GRXCR1: variants seen among roughly 807,000 people sequenced by gnomAD.
The protein encoded by GRXCR1 is glutaredoxin domain-containing cysteine-rich protein 1.
A neutral mutation model predicts 27.3 loss-of-function variants in GRXCR1; 27 were observed. The ratio of observed to expected loss-of-function variants is 0.99; its 90% confidence interval spans 0.73 to 1.37. GRXCR1 has a LOEUF of 1.37. GRXCR1 is among the 40% of genes most tolerant of loss of function. The pLI, the probability that GRXCR1 is intolerant of heterozygous loss-of-function variation, is 0.00. For synonymous variants in GRXCR1, 122 were observed against 131.1 expected (o/e 0.93, Z 0.47); for missense variants, 379 against 354.4 (o/e 1.07, Z -0.56).
At chr4:42,918,564 C>T (rs748075548) in intron 1 of GRXCR1, among the ~76,000 whole-genome samples, 22 of 152,112 alleles carry the variant, frequency 1.4e-4, no homozygotes, top group Non-Finnish European at 1.6e-4. Context: ...GTCCTTTGTG[C>T]TTTGCCTTGA....
intron 1 of GRXCR1, among the ~76,000 whole-genome samples, chr4:42,947,341 G>A (rs1747766889): frequency 6.6e-6 from 1 of 152,104 alleles, no homozygotes; most frequent in African/African-American, 2.4e-5. Flanking sequence ...TGTTGTATTT[G>A]CCAATGGGAA....
At chr4:42,980,163 A>G (rs1363368166) in intron 2 of GRXCR1, among the ~76,000 whole-genome samples, 1 of 150,576 alleles carries the variant, frequency 6.6e-6, no homozygotes, top group Non-Finnish European at 1.5e-5. Flanking sequence ...ATCTTTGTTA[A>G]TTTTCTTCAT....
intron 1 of GRXCR1, among the ~76,000 whole-genome samples, chr4:42,907,261 G>A (rs546426457): frequency 6.6e-6 from 1 of 152,186 alleles, no homozygotes; most frequent in East Asian, 1.9e-4. Flanking sequence ...ATTACTAAGG[G>A]GTCTGGGAAC....
intron 2 of GRXCR1, among the ~76,000 whole-genome samples, chr4:42,969,680 C>T (rs1302531102): frequency 6.6e-6 from 1 of 152,064 alleles, no homozygotes; most frequent in Non-Finnish European, 1.5e-5. Context: ...AATCACCTCC[C>T]ATCAGGTCCC....
At chr4:42,996,375 A>G (rs1374702446) in intron 2 of GRXCR1, among the ~76,000 whole-genome samples, 1 of 152,196 alleles carries the variant, frequency 6.6e-6, no homozygotes, top group Non-Finnish European at 1.5e-5. Context: ...GACAGGGAAC[A>G]AAGCAAAGAC....
intron 1 of GRXCR1, among the ~76,000 whole-genome samples, chr4:42,912,151 T>C (rs1179349402): frequency 6.6e-6 from 1 of 152,156 alleles, no homozygotes; most frequent in Non-Finnish European, 1.5e-5. Flanking sequence ...TGTCTTGTTT[T>C]GATAAAAATA....
intron 1 of GRXCR1, among the ~76,000 whole-genome samples, chr4:42,896,117 T>C (rs1418962438): frequency 1.3e-5 from 2 of 152,096 alleles, no homozygotes; most frequent in Non-Finnish European, 2.9e-5. Context: ...AAACCCTAAA[T>C]ATAAATAAAA....
chr4:43,029,739 A>T lies in GRXCR1; in HGVS notation c.694-622A>T, dbSNP rs529089338. Reference sequence around the variant, plus strand: ...CTGTGTTTGTTTTCTTAAAGATAAAATGAGGATAATGATGCTCGAATTAAG... The same window carrying T: ...CTGTGTTTGTTTTCTTAAAGATAAATTGAGGATAATGATGCTCGAATTAAG... On this transcript the variant is annotated intron_variant, in intron 3 of 3. Transcript: ENST00000399770. Among the ~76,000 whole-genome samples the T allele has an allele frequency of 3.9e-5, 6 of 152,340 alleles. No individual in the cohort carries two copies. In the East Asian group the frequency reaches 1.2e-3, roughly 29 times the overall value.
At chr4:42,942,101 A>G (rs1747639636) in intron 1 of GRXCR1, among the ~76,000 whole-genome samples, 1 of 152,050 alleles carries the variant, frequency 6.6e-6, no homozygotes, top group African/African-American at 2.4e-5. Flanking sequence ...GTGTGGGACT[A>G]GAGCATCGTA....
In GRXCR1 at chr4:42,932,590, ATATATATATATAT is replaced by A. The variant is rs1747342336; in HGVS notation, c.385-30301_385-30289del. 1.8e-3 allele frequency among the ~76,000 whole-genome samples: 75 copies of A among 42,134 alleles called. 1 individual carries two copies. Among genetic ancestry groups the A allele is most frequent in the Non-Finnish European group, 2.7e-3 (61 of 22,422 alleles). 27.6% of individuals were successfully genotyped at this position (42,134 alleles called of 152,430 possible). A position where few individuals can be genotyped will look rare whatever the true frequency, so the allele number is the denominator to read the frequency against. Reference sequence around the variant, plus strand: ...TAAACTCCCTTCCATATATATATATATATATATATATATATATATATATATATATAGAGAGAGA... The same window carrying A: ...TAAACTCCCTTCCATATATATATATAATATATATATATATATAGAGAGAGA... On this transcript the variant is annotated intron_variant, in intron 1 of 3. Transcript: ENST00000399770.
intron 2 of GRXCR1, among the ~76,000 whole-genome samples, chr4:43,011,237 T>C (rs1712740371): frequency 1.3e-5 from 2 of 152,338 alleles, no homozygotes; most frequent in South Asian, 2.1e-4. Flanking sequence ...CCCTTCCAGG[T>C]CCGTTTTCTC....
At chr4:43,019,217 G>T (rs1713025691) in intron 2 of GRXCR1, among the ~76,000 whole-genome samples, 1 of 152,026 alleles carries the variant, frequency 6.6e-6, no homozygotes, top group Non-Finnish European at 1.5e-5. Flanking sequence ...GCCTATCTTT[G>T]TTTATTCATT....
chr4:42,958,618 A>G (rs888697347), intron 1 of GRXCR1, among the ~76,000 whole-genome samples: 2 of 152,040 alleles, frequency 1.3e-5, no homozygotes, highest in Admixed American at 6.6e-5. Flanking sequence ...CAATGAAATG[A>G]AAATGCAGTT....
At chr4:42,900,716 C>T (rs958225484) in intron 1 of GRXCR1, among the ~76,000 whole-genome samples, 9 of 152,068 alleles carry the variant, frequency 5.9e-5, no homozygotes, top group Non-Finnish European at 1.0e-4. Flanking sequence ...CTTAGAGTAC[C>T]AAATGAATGG....
At chr4:43,017,585 T>C (rs1712967081) in intron 2 of GRXCR1, among the ~76,000 whole-genome samples, 1 of 152,226 alleles carries the variant, frequency 6.6e-6, no homozygotes, top group Non-Finnish European at 1.5e-5. Context: ...TTCAGGATTA[T>C]ATTAATTTTA....
At chr4:43,014,350 A>G (rs1484201129) in intron 2 of GRXCR1, among the ~76,000 whole-genome samples, 2 of 152,106 alleles carry the variant, frequency 1.3e-5, no homozygotes, top group Non-Finnish European at 2.9e-5. Flanking sequence ...CTCCAAGCAG[A>G]GTTGATGAAA....
intron 1 of GRXCR1, among the ~76,000 whole-genome samples, chr4:42,922,132 T>C (rs1477609584): frequency 6.6e-6 from 1 of 152,148 alleles, no homozygotes; most frequent in African/African-American, 2.4e-5. Context: ...ATATGTTCCA[T>C]GCCCTTATTT....
intron 1 of GRXCR1, among the ~76,000 whole-genome samples, chr4:42,931,989 C>T (rs943481188): frequency 6.6e-6 from 1 of 151,846 alleles, no homozygotes; most frequent in Non-Finnish European, 1.5e-5. Context: ...TTTATAAAAC[C>T]ATCACATCTC....
intron 1 of GRXCR1, among the ~76,000 whole-genome samples, chr4:42,955,123 C>T (rs189021690): frequency 1.3e-5 from 2 of 152,150 alleles, no homozygotes; most frequent in East Asian, 3.9e-4. Flanking sequence ...CCAGGTTGGC[C>T]CACTGCCTGA....
Sources: gnomAD v4.1 joint callset for allele counts (sites outside exome capture counted in the v4.1 genomes callset) on GRCh38, gnomAD v4.1.1 for gene constraint, MANE v1.5 for transcripts, NCBI Gene and HGNC (gene_info 2026-07-23, HGNC 2026-07-21) for gene names.